The following PCLO variants were observed in gnomAD, a reference collection of about 807,000 sequenced individuals.
PCLO encodes the protein piccolo presynaptic cytomatrix protein.
In PCLO, 82 loss-of-function variants were observed where a neutral mutation model predicts 427.5. The observed-to-expected ratio is 0.19, with a 90% CI of 0.16 to 0.23. The LOEUF (loss-of-function observed/expected upper bound fraction) is 0.23, where lower values mean the gene tolerates loss of function less well. Among genes scored for constraint, PCLO ranks in the 10% least tolerant of loss-of-function variants. The pLI is 1.00. For missense variants in PCLO, 6,239 were observed against 6,115.9 expected, an observed-to-expected ratio of 1.02 and a Z score of -0.67; for synonymous variants, 2,357 against 2,155.4, an observed-to-expected ratio of 1.09 and a Z score of -2.59.
At chr7:82,818,604 T>C (rs568252773) in intron 20 of PCLO, among the ~76,000 whole-genome samples, 1 of 152,160 alleles carries the variant, frequency 6.6e-6, no homozygotes, top group Non-Finnish European at 1.5e-5. Context: ...CTTATTAAAA[T>C]TAGGAGAGTT....
At chr7:83,115,014 A>G (rs947015275) in intron 3 of PCLO, among the ~76,000 whole-genome samples, 14 of 152,118 alleles carry the variant, frequency 9.2e-5, no homozygotes, top group African/African-American at 3.4e-4. Flanking sequence ...TTATCCTTCT[A>G]ATAGTTACTC....
intron 3 of PCLO, among the ~76,000 whole-genome samples, chr7:83,105,665 T>C (rs1029990580): frequency 2.0e-5 from 3 of 152,308 alleles, no homozygotes; most frequent in East Asian, 1.9e-4. Context: ...ACGGACACTG[T>C]GCAAAGTGCT....
At chr7:82,880,626 A>T (rs1316859706) in intron 9 of PCLO, among the ~76,000 whole-genome samples, 1 of 152,112 alleles carries the variant, frequency 6.6e-6, no homozygotes, top group Admixed American at 6.6e-5. Flanking sequence ...GTCACCGTGG[A>T]ACGATGCTAC....
chr7:83,057,075 T>C, intron 3 of PCLO, among the ~76,000 whole-genome samples: 1 of 150,992 alleles, frequency 6.6e-6, no homozygotes, highest in East Asian at 1.9e-4. Flanking sequence ...ATGCTTTTTC[T>C]TTAACCATAT....
At chr7:83,009,623 C>T (rs751400490) in intron 3 of PCLO, among the ~76,000 whole-genome samples, 3 of 151,464 alleles carry the variant, frequency 2.0e-5, no homozygotes, top group Non-Finnish European at 3.0e-5. Context: ...ATACAAAGCT[C>T]GTATCAAATT....
chr7:82,963,456 T>TA (rs57759498), intron 4 of PCLO, among the ~76,000 whole-genome samples: 15,937 of 151,206 alleles, frequency 0.11, 1,119 homozygotes, highest in African/African-American at 0.19. Context: ...AATCCACACT[T>TA]AAAAAAAAAG....
In PCLO at chr7:82,955,608, T is replaced by C. The variant is rs745738959; in HGVS notation, c.5345A>G (p.Glu1782Gly). 1.2e-5 allele frequency: 20 copies of C among 1,613,930 alleles called. No individual in the cohort carries two copies. The highest frequency in any genetic ancestry group is 1.5e-5 in the Non-Finnish European group (18 of 1,179,842). The change falls in exon 5 of 25, where the codon GAA (glutamate) becomes GGA (glycine). Residue 1782 changes from glutamate to glycine, a missense_variant. Glu to Gly is a moderately conservative substitution (Grantham distance 98). Around this residue, in one of 5 missense-constraint regions of PCLO, gnomAD observed 4,677 missense variants for 4,468.4 expected, o/e 1.05. Transcript: ENST00000333891. ...DSSEEEELREEEELLKEQEKQ... is the reference protein window; with the variant it reads ...DSSEEEELREGEELLKEQEKQ... The stretch of plus-strand genomic sequence containing the variant: ...TTCTTGCTCCTTTAATAATTCTTCT[T>C]CCTCTCTCAATTCTTCTTCCTCTGA...
intron 22 of PCLO, among the ~76,000 whole-genome samples, chr7:82,783,371 T>C (rs1790914683): frequency 6.6e-6 from 1 of 152,116 alleles, no homozygotes; most frequent in African/African-American, 2.4e-5. Context: ...TCCCAGCCCT[T>C]TGGGAGGCCG....
chr7:83,131,428 A>G (rs1173684124), intron 3 of PCLO, among the ~76,000 whole-genome samples: 1 of 152,072 alleles, frequency 6.6e-6, no homozygotes, highest in African/African-American at 2.4e-5. Context: ...GAAACCATCT[A>G]CAGCTTCCCA....
chr7:83,020,402 G>GT (rs1263493803), intron 3 of PCLO, among the ~76,000 whole-genome samples: 2 of 46,944 alleles, frequency 4.3e-5, no homozygotes, highest in Non-Finnish European at 2.0e-4. Context: ...AGTAGTAAGA[G>GT]GGGGGGCCTT....
intron 3 of PCLO, among the ~76,000 whole-genome samples, chr7:83,055,470 G>A (rs1207333139): frequency 1.3e-5 from 2 of 152,100 alleles, no homozygotes; most frequent in African/African-American, 4.8e-5. Context: ...AAATTATTTA[G>A]TTGATCTATT....
At chr7:83,089,398 T>C (rs888625441) in intron 3 of PCLO, among the ~76,000 whole-genome samples, 1 of 152,144 alleles carries the variant, frequency 6.6e-6, no homozygotes, top group African/African-American at 2.4e-5. Context: ...TGTTCCCTCA[T>C]GCCTATAGAA....
chr7:83,042,568 A>C (rs1562935320), intron 3 of PCLO, among the ~76,000 whole-genome samples: 2 of 152,126 alleles, frequency 1.3e-5, no homozygotes, highest in Non-Finnish European at 2.9e-5. Flanking sequence ...TGTTTAAGAT[A>C]ATGATAAGGG....
rs1461777566 is a variant in PCLO at position 82,954,887 on chromosome 7, A to C, written c.6066T>G (p.Ser2022=). The C allele has an allele frequency of 1.2e-6, 2 of 1,613,962 alleles. No individual in the cohort carries two copies. Among genetic ancestry groups the C allele is most frequent in the Admixed American group, 3.3e-5 (2 of 60,012 alleles). The change falls in exon 5 of 25, where the codon TCT becomes TCG. Residue 2022 remains serine, a synonymous_variant. Coordinates refer to ENST00000333891, the MANE Select transcript of PCLO (RefSeq NM_033026.6). ...KEFYELESLH[S]VVPQEDIVSS... ...AAACAATATCTTCCTGAGGCACAAC[A>C]GAATGTAAGCTTTCTAACTCATAAA...
chr7:82,815,861 C>T (rs939674332), intron 20 of PCLO, among the ~76,000 whole-genome samples: 11 of 152,118 alleles, frequency 7.2e-5, no homozygotes, highest in Non-Finnish European at 1.0e-4. Flanking sequence ...ATTAAATTAA[C>T]GAATTATACT....
At position 82,905,245 on chromosome 7, in the gene PCLO, A is replaced by T. The variant is rs374708403; in HGVS notation, c.13438-2504T>A. On this transcript the variant is annotated intron_variant, in intron 8 of 24. Transcript: ENST00000333891. ...AGAGGGCTGTTCTTTCCTACCTACA[A>T]ATATTTCAAAGAGTTATTTTCATGA... 2.0e-5 allele frequency among the ~76,000 whole-genome samples: 3 copies of T among 152,152 alleles called. No homozygotes were observed. In the South Asian group the frequency reaches 6.2e-4, roughly 32 times the overall value.
intron 22 of PCLO, among the ~76,000 whole-genome samples, chr7:82,789,023 A>T (rs1469778174): frequency 6.6e-6 from 1 of 152,068 alleles, no homozygotes; most frequent in Non-Finnish European, 1.5e-5. Context: ...TATTTTATTT[A>T]AAATATATCT....
intron 22 of PCLO, among the ~76,000 whole-genome samples, chr7:82,768,291 C>T (rs1258620068): frequency 2.6e-5 from 4 of 151,826 alleles, no homozygotes; most frequent in Non-Finnish European, 4.4e-5. Flanking sequence ...GGCCTGGTGG[C>T]GTGAGCCTGT....
Position 83,091,762 on chromosome 7 carries a change from G to T in PCLO, c.3300+42488C>A, listed in dbSNP as rs190078274. ...GTGTTTAAATCATGGAAGAAATAAG[G>T]TTTTATCCATACTAGTAAGCCAATA... On this transcript the variant is annotated intron_variant, in intron 3 of 24. Transcript: ENST00000333891. Among the ~76,000 whole-genome samples, 375 of 152,178 alleles carry T rather than the reference G, an allele frequency of 2.5e-3. 5 individuals carry two copies. The highest frequency in any genetic ancestry group is 0.02 in the Middle Eastern group (6 of 294).
Sources: allele counts gnomAD v4.1 joint callset (sites outside exome capture counted in the v4.1 genomes callset), GRCh38; gene constraint gnomAD v4.1.1; regional missense constraint gnomAD v4.1.1; transcripts MANE v1.5; gene names NCBI Gene and HGNC (gene_info 2026-07-23, HGNC 2026-07-21).